Variants in MACROD2 observed in about 807,000 individuals in gnomAD.
The protein encoded by MACROD2 is mono-ADP ribosylhydrolase 2.
MACROD2 carries 36 observed loss-of-function variants against 70.4 expected under a neutral mutation model. The ratio of observed to expected loss-of-function variants is 0.51; its 90% CI spans 0.39 to 0.68. MACROD2 has a LOEUF of 0.68. MACROD2 is among the 30% of genes least tolerant of loss of function. The pLI is 0.00. For synonymous variants in MACROD2, 172 were observed against 178.8 expected (o/e 0.96, Z 0.30); for missense variants, 496 against 538.4 (o/e 0.92, Z 0.78).
intron 3 of MACROD2, among the ~76,000 whole-genome samples, chr20:14,465,449 TC>T (rs1338924452): frequency 6.6e-6 from 1 of 152,116 alleles, no homozygotes; most frequent in Non-Finnish European, 1.5e-5. Flanking sequence ...GAGATGGGTT[TC>T]CTGAATACAG....
intron 2 of MACROD2, among the ~76,000 whole-genome samples, chr20:14,027,657 A>T (rs1359416590): frequency 6.6e-6 from 1 of 150,484 alleles, no homozygotes; most frequent in Non-Finnish European, 1.5e-5. Flanking sequence ...TTTCCTTCTA[A>T]CAGTCAGGCC....
At chr20:14,835,207 A>C (rs1333969744) in intron 5 of MACROD2, among the ~76,000 whole-genome samples, 1 of 152,038 alleles carries the variant, frequency 6.6e-6, no homozygotes. Context: ...CCTTGGACAC[A>C]TGGGGGAAAA....
At chr20:14,421,937 A>T (rs1167601150) in intron 3 of MACROD2, among the ~76,000 whole-genome samples, 1 of 152,114 alleles carries the variant, frequency 6.6e-6, no homozygotes, top group Non-Finnish European at 1.5e-5. Context: ...GTTCAAATTT[A>T]GTATTTTCTT....
chr20:14,597,513 A>AT (rs1388689791), intron 4 of MACROD2, among the ~76,000 whole-genome samples: 2 of 152,186 alleles, frequency 1.3e-5, no homozygotes, highest in Admixed American at 1.3e-4. Flanking sequence ...ATCTGGAATC[A>AT]TTTTAGAAGA....
chr20:14,612,724 A>T (rs1172920580), intron 4 of MACROD2, among the ~76,000 whole-genome samples: 2 of 152,064 alleles, frequency 1.3e-5, no homozygotes, highest in Non-Finnish European at 2.9e-5. Context: ...TAGTCTTAGG[A>T]TCTATAAAGT....
At chr20:15,279,260 C>G (rs2077421932) in intron 6 of MACROD2, among the ~76,000 whole-genome samples, 2 of 152,158 alleles carry the variant, frequency 1.3e-5, no homozygotes, top group Non-Finnish European at 2.9e-5. Context: ...ATTTTGAACC[C>G]TCACTGCTGC....
At chr20:14,441,415 AAAT>A (rs1171359367) in intron 3 of MACROD2, among the ~76,000 whole-genome samples, 1 of 152,180 alleles carries the variant, frequency 6.6e-6, no homozygotes, top group African/African-American at 2.4e-5. Flanking sequence ...GTGCAATAAT[AAAT>A]GAGTTTTAAG....
In MACROD2 at chr20:15,378,283, G is replaced by GAAA. The variant is rs11087133; in HGVS notation, c.541-53107_541-53105dup. On this transcript the variant is annotated intron_variant, in intron 6 of 17. Coordinates refer to ENST00000684519, the MANE Select transcript of MACROD2 (RefSeq NM_001351661.2). Reference sequence around the variant, plus strand: ...CTCAAAATCCAGAAGCAATAAAATTGAAAAAAAAAAAAAAAAAGGAAAGAA... The same window carrying GAAA: ...CTCAAAATCCAGAAGCAATAAAATTGAAAAAAAAAAAAAAAAAAAAGGAAAGAA... Among the ~76,000 whole-genome samples, 256 of 87,554 alleles carry GAAA rather than the reference G, an allele frequency of 2.9e-3. 1 individual carries two copies. Among genetic ancestry groups the GAAA allele is most frequent in the South Asian group, 8.8e-3 (20 of 2,280 alleles). The allele number at this position is 87,554 out of a possible 152,430, so 57.4% of individuals were successfully genotyped here. A position where few individuals can be genotyped will look rare whatever the true frequency, so the allele number is the denominator to read the frequency against.
chr20:14,786,204 T>TAG (rs11474711), intron 5 of MACROD2, among the ~76,000 whole-genome samples: 3,410 of 135,470 alleles, frequency 0.025, 92 homozygotes, highest in African/African-American at 0.061. Flanking sequence ...CAGAGAAAGA[T>TAG]AGAGAGAGAG....
intron 5 of MACROD2, among the ~76,000 whole-genome samples, chr20:14,962,766 C>T (rs183786452): frequency 7.9e-5 from 12 of 151,280 alleles, no homozygotes; most frequent in African/African-American, 2.9e-4. Context: ...CCTCCTCTCC[C>T]TCCTCACCAA....
intron 5 of MACROD2, among the ~76,000 whole-genome samples, chr20:15,144,991 A>T (rs946126726): frequency 6.6e-6 from 1 of 152,136 alleles, no homozygotes; most frequent in Non-Finnish European, 1.5e-5. Context: ...TGGTACATAT[A>T]TGAGGGAGTG....
chr20:15,855,174 T>C (rs2064343052), intron 8 of MACROD2, among the ~76,000 whole-genome samples: 1 of 152,316 alleles, frequency 6.6e-6, no homozygotes, highest in South Asian at 2.1e-4. Context: ...GCCCTATGAC[T>C]GGTGGCTCTG....
chr20:14,140,485 T>C (rs12480944), intron 3 of MACROD2, among the ~76,000 whole-genome samples: 34,116 of 152,216 alleles, frequency 0.22, 3,956 homozygotes, highest in South Asian at 0.27. Context: ...TTCATACAAC[T>C]AGAAAGGGGT....
At chr20:15,207,436 GTTT>G (rs548522491) in intron 5 of MACROD2, among the ~76,000 whole-genome samples, 3 of 84,564 alleles carry the variant, frequency 3.5e-5, no homozygotes, top group Non-Finnish European at 6.4e-5. Context: ...TTTGTTTCTG[GTTT>G]TTTTTTTTTT....
rs918186722 is a variant in MACROD2 at position 14,813,185 on chromosome 20, T to A, written c.418+128226T>A. Among the ~76,000 whole-genome samples, 14 of 152,140 alleles carry A rather than the reference T, an allele frequency of 9.2e-5. No homozygotes were observed. In the South Asian group the frequency reaches 1.5e-3, roughly 16 times the overall value. On this transcript the variant is annotated intron_variant, in intron 5 of 17. Coordinates refer to ENST00000684519, the MANE Select transcript of MACROD2 (RefSeq NM_001351661.2). ...ATGAAAATTAATAATTTCTTTTTTT[T>A]AAATTTTATTTTATTTTAAGTTCCA...
intron 8 of MACROD2, among the ~76,000 whole-genome samples, chr20:15,550,746 A>T (rs982859897): frequency 1.3e-5 from 2 of 152,192 alleles, no homozygotes; most frequent in Admixed American, 6.5e-5. Flanking sequence ...CCGGGGTAGC[A>T]CAACAGGCAC....
At chr20:15,462,434 G>A (rs922850910) in intron 7 of MACROD2, among the ~76,000 whole-genome samples, 3 of 152,102 alleles carry the variant, frequency 2.0e-5, no homozygotes, top group Admixed American at 6.5e-5. Context: ...TGCAAATAAC[G>A]TGTAATTAAA....
rs16994793 is a variant in MACROD2, at chr20:14,673,192, G to A, written c.302-11651G>A. Among the ~76,000 whole-genome samples, 1,339 of 152,284 alleles carry A rather than the reference G, an allele frequency of 8.8e-3. 13 individuals carry two copies. The highest frequency in any genetic ancestry group is 0.03 in the African/African-American group (1,261 of 41,548). On this transcript the variant is annotated intron_variant, in intron 4 of 17. Transcript: ENST00000684519. ...TTTTGGATATTTGATTAGGACTTGC[G>A]GAGGAGCGTGAGAGCAAGGCTTTAA...
chr20:14,050,087 CAA>C (rs759223916), intron 2 of MACROD2, among the ~76,000 whole-genome samples: 22 of 85,812 alleles, frequency 2.6e-4, no homozygotes, highest in Non-Finnish European at 2.4e-4. Flanking sequence ...ACTCCCATCT[CAA>C]AAAAAAAAAA....
Sources: gnomAD v4.1 joint callset for allele counts (sites outside exome capture counted in the v4.1 genomes callset) on GRCh38, gnomAD v4.1.1 for gene constraint, MANE v1.5 for transcripts, NCBI Gene and HGNC (gene_info 2026-07-23, HGNC 2026-07-21) for gene names.